Variants in STK3 observed in about 807,000 individuals in gnomAD.
STK3 encodes serine/threonine-protein kinase 3.
In STK3, 41 loss-of-function variants were observed where a neutral mutation model predicts 58.0. The ratio of observed to expected loss-of-function variants is 0.71; its 90% CI spans 0.55 to 0.92. STK3 has a LOEUF of 0.92. Ranked by LOEUF, STK3 falls within the 40% of genes least tolerant of loss-of-function variation. STK3 has a pLI of 0.00. For synonymous variants in STK3, 170 were observed against 191.0 expected (o/e 0.89, Z 0.91); for missense variants, 479 against 602.7 (o/e 0.79, Z 2.15).
chr8:98,407,766 G>A (rs995006281), intron 3 of STK3, among the ~76,000 whole-genome samples: 1 of 151,360 alleles, frequency 6.6e-6, no homozygotes, highest in African/African-American at 2.4e-5. Flanking sequence ...GTGCGCGCGC[G>A]CGCGCATGCA....
At chr8:98,746,205 A>C (rs1216117418) in intron 4 of STK3, among the ~76,000 whole-genome samples, 1 of 152,144 alleles carries the variant, frequency 6.6e-6, no homozygotes, top group Non-Finnish European at 1.5e-5. Context: ...AGAAACAAAA[A>C]CCTTAAGTAA....
In STK3 at chr8:98,706,521, A is replaced by G. The variant is rs762004613; in HGVS notation, c.630T>C (p.Thr210=). 2 of 1,613,952 alleles carry G rather than the reference A, an allele frequency of 1.2e-6. No homozygotes were observed. Among genetic ancestry groups the G allele is most frequent in the Non-Finnish European group, 1.7e-6 (2 of 1,179,908 alleles). The part of the protein sequence containing the change: ...CVADIWSLGI[T]SIEMAEGKPP... ...GTTTTCCTTCAGCCATTTCTATAGAAGTAATGCCAAGGGACCAGATGTCGG... is the reference window on the plus strand; with the variant it reads ...GTTTTCCTTCAGCCATTTCTATAGAGGTAATGCCAAGGGACCAGATGTCGG... The change falls in exon 6 of 11, where the codon ACT becomes ACC. Residue 210 remains threonine (T), a synonymous_variant. Transcript: ENST00000419617.
chr8:98,478,505 T>C (rs1401294895), intron 10 of STK3, among the ~76,000 whole-genome samples: 1 of 152,198 alleles, frequency 6.6e-6, no homozygotes, highest in Non-Finnish European at 1.5e-5. Context: ...GAGTTCTCAC[T>C]GAGGAAGCTG....
the STK3 span, among the ~76,000 whole-genome samples, chr8:98,356,489 A>G: frequency 6.6e-6 from 1 of 152,296 alleles, no homozygotes; most frequent in South Asian, 2.1e-4. Context: ...TAAGGATCCA[A>G]ATGCTGTCCC....
intron 10 of STK3, among the ~76,000 whole-genome samples, chr8:98,502,704 G>A (rs1197031412): frequency 3.3e-5 from 5 of 152,104 alleles, no homozygotes; most frequent in Non-Finnish European, 7.4e-5. Flanking sequence ...ACTGGATTAC[G>A]TTTATTGATT....
intron 6 of STK3, among the ~76,000 whole-genome samples, chr8:98,669,545 G>A (rs1157314738): frequency 1.3e-5 from 2 of 152,078 alleles, no homozygotes; most frequent in African/African-American, 4.8e-5. Flanking sequence ...AATATTTTTT[G>A]ACTAATACAT....
At chr8:98,586,377 C>G (rs969039870) in intron 7 of STK3, among the ~76,000 whole-genome samples, 25 of 151,808 alleles carry the variant, frequency 1.6e-4, no homozygotes, top group African/African-American at 5.8e-4. Context: ...GTCTTTGGCT[C>G]TGTTTATATG....
chr8:98,753,227 C>T (rs1830087340), intron 3 of STK3, among the ~76,000 whole-genome samples: 1 of 152,128 alleles, frequency 6.6e-6, no homozygotes, highest in Admixed American at 6.5e-5. Context: ...AACCTAAATG[C>T]CCATCAATGA....
rs540712812 is a variant in STK3 at position 98,719,901 on chromosome 8, T to C, written c.352-12590A>G. Among the ~76,000 whole-genome samples the C allele has an allele frequency of 3.3e-5, 5 of 152,356 alleles. No individual in the cohort carries two copies. The East Asian group carries it at 7.7e-4, about 23-fold the overall frequency. ...AGTTTATACAGCCTCTCTTTCATTA[T>C]GCTTCCCTTTGGTAACAAATCCCTC... On this transcript the variant is annotated intron_variant, in intron 4 of 10. Coordinates refer to ENST00000419617, the MANE Select transcript of STK3 (RefSeq NM_006281.4).
chr8:98,531,123 T>C (rs1222885270), intron 9 of STK3, among the ~76,000 whole-genome samples: 1 of 152,228 alleles, frequency 6.6e-6, no homozygotes, highest in Non-Finnish European at 1.5e-5. Context: ...GAATCACAAA[T>C]GTTCTTAATA....
intron 1 of STK3, among the ~76,000 whole-genome samples, chr8:98,931,458 C>T (rs1199671193): frequency 6.6e-6 from 1 of 152,182 alleles, no homozygotes; most frequent in Admixed American, 6.5e-5. Context: ...CGGCCTGCGC[C>T]AGCCTGATCC....
intron 1 of STK3, among the ~76,000 whole-genome samples, chr8:98,903,556 C>CTTCTTCTTCTTCTTCCT (rs200556218): frequency 2.0e-5 from 1 of 50,502 alleles, no homozygotes; most frequent in African/African-American, 6.8e-5. Context: ...TCTTCTTCTT[C>CTTCTTCTTCTTCTTCCT]CTTTTTTTTT....
chr8:98,598,707 A>AG (rs1816044124), intron 6 of STK3: 1 of 985,408 alleles, frequency 1.0e-6, no homozygotes, highest in Middle Eastern at 5.2e-4. Flanking sequence ...ACCAAATCAC[A>AG]GGGACACACA....
At chr8:98,487,746 T>C (rs1822381141) in intron 10 of STK3, among the ~76,000 whole-genome samples, 1 of 152,180 alleles carries the variant, frequency 6.6e-6, no homozygotes, top group South Asian at 2.1e-4. Flanking sequence ...ATCCTTCACA[T>C]ATATGAAGAC....
chr8:98,836,776 A>ATAAT (rs1835763761), intron 3 of STK3, among the ~76,000 whole-genome samples: 1 of 152,198 alleles, frequency 6.6e-6, no homozygotes, highest in Admixed American at 6.5e-5. Context: ...AGTTCAACAC[A>ATAAT]TAATTATCTA....
intron 1 of STK3, among the ~76,000 whole-genome samples, chr8:98,907,266 C>A (rs770105105): frequency 2.0e-5 from 3 of 152,134 alleles, no homozygotes; most frequent in African/African-American, 4.8e-5. Context: ...GTAATCCCAG[C>A]ACTTTGGGAG....
At chr8:98,796,177 A>G (rs1833155224) in intron 1 of STK3, among the ~76,000 whole-genome samples, 1 of 152,196 alleles carries the variant, frequency 6.6e-6, no homozygotes, top group Non-Finnish European at 1.5e-5. Context: ...AAAGGGCCTG[A>G]ACAGCCAAGG....
chr8:98,814,090 G>A (rs1048469298), intron 1 of STK3, among the ~76,000 whole-genome samples: 6 of 152,116 alleles, frequency 3.9e-5, no homozygotes, highest in South Asian at 2.1e-4. Flanking sequence ...TCACTCTGTC[G>A]CCCAGGCAGG....
intron 9 of STK3, among the ~76,000 whole-genome samples, chr8:98,529,802 T>C (rs1001403489): frequency 6.6e-6 from 1 of 152,204 alleles, no homozygotes; most frequent in African/African-American, 2.4e-5. Flanking sequence ...ATTCCACTTA[T>C]GTCAGGTATT....
Sources: allele counts gnomAD v4.1 joint callset (sites outside exome capture counted in the v4.1 genomes callset), GRCh38; gene constraint gnomAD v4.1.1; transcripts MANE v1.5; gene names NCBI Gene and HGNC (gene_info 2026-07-23, HGNC 2026-07-21).